Variants in TJP1 observed in about 807,000 individuals in gnomAD.
The protein encoded by TJP1 is tight junction protein ZO-1.
Under a neutral mutation model 194.2 loss-of-function variants are expected in TJP1, and 43 were observed. The ratio of observed to expected loss-of-function variants is 0.22; its 90% CI spans 0.17 to 0.29. TJP1 has a LOEUF of 0.29. Ranked by LOEUF, TJP1 falls within the 10% of genes least tolerant of loss-of-function variation. The pLI is 1.00. For synonymous variants in TJP1, 801 were observed against 779.0 expected (o/e 1.03, Z -0.47); for missense variants, 1,971 against 2,185.7 (o/e 0.90, Z 1.96).
At chr15:29,839,676 T>C (rs2051155325) in intron 2 of TJP1, among the ~76,000 whole-genome samples, 1 of 152,160 alleles carries the variant, frequency 6.6e-6, no homozygotes. Flanking sequence ...AGAAAAATAT[T>C]ATACGAAAAC....
chr15:29,741,528 G>C, intron 9 of TJP1, 92 bp from the exon 10 acceptor site: 1 of 796,212 alleles, frequency 1.3e-6, no homozygotes. Flanking sequence ...TAAGTTCAGA[G>C]AACCTGATGA....
chr15:29,818,781 G>A (rs1162352602), intron 1 of TJP1, among the ~76,000 whole-genome samples: 2 of 146,738 alleles, frequency 1.4e-5, no homozygotes, highest in Non-Finnish European at 3.0e-5. Flanking sequence ...CTCACAAAGT[G>A]CTGGGATTAC....
intron 8 of TJP1, among the ~76,000 whole-genome samples, chr15:29,758,527 G>A (rs1263041130): frequency 6.6e-6 from 1 of 152,144 alleles, no homozygotes; most frequent in Non-Finnish European, 1.5e-5. Flanking sequence ...AATTTTCTAA[G>A]ATTGAAAATT....
intron 15 of TJP1, chr15:29,729,526 T>G (rs1455418201): frequency 6.6e-6 from 1 of 151,942 alleles, no homozygotes; most frequent in African/African-American, 2.4e-5. Flanking sequence ...TTTAAAGATG[T>G]TACTGAGGGT....
chr15:29,772,532 C>A (rs1356085104), intron 3 of TJP1, among the ~76,000 whole-genome samples: 1 of 152,114 alleles, frequency 6.6e-6, no homozygotes, highest in African/African-American at 2.4e-5. Context: ...TCTTTTAATT[C>A]TCTTTTAATT....
chr15:29,968,747 T>A, exon 1 of TJP1: 1 of 1,230,504 alleles, frequency 8.1e-7, no homozygotes, highest in Non-Finnish European at 1.0e-6. Flanking sequence ...CCGTCAGGTA[T>A]TTCTGGTACT....
chr15:29,933,871 C>T (rs957569092), intron 2 of TJP1, among the ~76,000 whole-genome samples: 3 of 151,946 alleles, frequency 2.0e-5, no homozygotes, highest in South Asian at 2.1e-4. Flanking sequence ...AGAAAAGAAC[C>T]GGGGTCACAA....
chr15:29,751,751 A>G (rs140306292), intron 8 of TJP1, among the ~76,000 whole-genome samples: 3 of 152,352 alleles, frequency 2.0e-5, no homozygotes, highest in Admixed American at 2.0e-4. Flanking sequence ...CTCAGAGAAA[A>G]CAGAAAATTG....
intron 2 of TJP1, 74 bp downstream of exon 2, chr15:29,800,572 G>A: frequency 6.8e-7 from 1 of 1,464,368 alleles, no homozygotes; most frequent in East Asian, 2.3e-5. Flanking sequence ...CTGACATCTG[G>A]CTTTCCTCTA....
At chr15:29,799,541 A>C (rs2048642889) in intron 2 of TJP1, among the ~76,000 whole-genome samples, 1 of 151,740 alleles carries the variant, frequency 6.6e-6, no homozygotes, top group Non-Finnish European at 1.5e-5. Flanking sequence ...CAGCCTCCCG[A>C]GTAGCTGGGA....
At chr15:29,790,996 T>G (rs1255671015) in intron 2 of TJP1, among the ~76,000 whole-genome samples, 1 of 152,110 alleles carries the variant, frequency 6.6e-6, no homozygotes, top group African/African-American at 2.4e-5. Context: ...AATGCTGCAA[T>G]AAACATGGGA....
At chr15:29,951,143 G>T (rs1596317099) in intron 2 of TJP1, among the ~76,000 whole-genome samples, 1 of 152,166 alleles carries the variant, frequency 6.6e-6, no homozygotes, top group East Asian at 1.9e-4. Context: ...GATATTTCCT[G>T]TTAGTCTGCA....
chr15:29,707,378 G>A (rs540638932), intron 25 of TJP1, among the ~76,000 whole-genome samples: 1 of 152,262 alleles, frequency 6.6e-6, no homozygotes, highest in South Asian at 2.1e-4. Flanking sequence ...TGCCAGGGAC[G>A]ACATCCTACG....
chr15:29,790,696 C>T (rs1456430473), intron 2 of TJP1, among the ~76,000 whole-genome samples: 1 of 151,874 alleles, frequency 6.6e-6, no homozygotes, highest in Non-Finnish European at 1.5e-5. Flanking sequence ...CCCTACCACC[C>T]TTCCCGGTCT....
At chr15:29,954,399 T>G (rs560762217) in intron 2 of TJP1, among the ~76,000 whole-genome samples, 1 of 152,332 alleles carries the variant, frequency 6.6e-6, no homozygotes, top group South Asian at 2.1e-4. Flanking sequence ...ATGATTATGC[T>G]TCAGTAATGA....
intron 2 of TJP1, among the ~76,000 whole-genome samples, chr15:29,837,950 A>G (rs952095948): frequency 2.0e-5 from 3 of 152,218 alleles, no homozygotes; most frequent in South Asian, 2.1e-4. Flanking sequence ...TGGAATACCT[A>G]TAATTTTATT....
chr15:29,846,700 C>T (rs554269298), intron 2 of TJP1, among the ~76,000 whole-genome samples: 12 of 152,026 alleles, frequency 7.9e-5, no homozygotes, highest in South Asian at 6.2e-4. Flanking sequence ...CCGAGGCGGG[C>T]GGATCACGAG....
In TJP1 at chr15:29,718,582, T is replaced by C. The variant is rs1371884240; in HGVS notation, c.3560A>G (p.Glu1187Gly). The C allele has an allele frequency of 6.2e-7, 1 of 1,614,180 alleles. No homozygotes were observed. Among genetic ancestry groups the C allele is most frequent in the South Asian group, 1.1e-5 (1 of 91,074 alleles). The change falls in exon 21 of 28, where the codon GAG (glutamate) becomes GGG (glycine). Residue 1187 changes from glutamate (E) to glycine (G), a missense_variant. Transcript: ENST00000614355. ...PHPSAGPKPA[E>G]SKQYFEQYSR... is the part of the protein sequence containing the mutation. ...ATATTGCTCAAAATACTGCTTGGAC[T>C]CTGCAGGCTTGGGCCCTGCTGAAGG...
chr15:29,898,241 T>C (rs1021290094), intron 2 of TJP1, among the ~76,000 whole-genome samples: 1 of 152,194 alleles, frequency 6.6e-6, no homozygotes, highest in Non-Finnish European at 1.5e-5. Flanking sequence ...CTGATGGTTT[T>C]AAAAATGGGG....
Sources: gnomAD v4.1 joint callset for allele counts (sites outside exome capture counted in the v4.1 genomes callset) on GRCh38, gnomAD v4.1.1 for gene constraint, MANE v1.5 for transcripts, NCBI Gene and HGNC (gene_info 2026-07-23, HGNC 2026-07-21) for gene names.